Variants in SLC12A2 observed in about 807,000 individuals in gnomAD.
SLC12A2 encodes solute carrier family 12 member 2.
A neutral mutation model predicts 136.3 loss-of-function variants in SLC12A2; 67 were observed. The ratio of observed to expected loss-of-function variants is 0.49; its 90% confidence interval spans 0.40 to 0.60. The LOEUF is 0.60. SLC12A2 is among the 20% of genes least tolerant of loss of function. The probability of loss-of-function intolerance (pLI) is 0.00; values close to 1 mark genes in which losing one functional copy is unlikely to be tolerated. For missense variants in SLC12A2, 1,322 were observed against 1,534.7 expected (o/e 0.86, Z 2.32); for synonymous variants, 619 against 562.9 (o/e 1.10, Z -1.41).
At chr5:128,093,321 T>C (rs893878473) in intron 1 of SLC12A2, among the ~76,000 whole-genome samples, 2 of 152,070 alleles carry the variant, frequency 1.3e-5, no homozygotes, top group South Asian at 2.1e-4. Context: ...TTATTTGGAC[T>C]TTTCTCCTTC....
intron 17 of SLC12A2, among the ~76,000 whole-genome samples, chr5:128,163,488 C>T (rs1275112235): frequency 6.6e-6 from 1 of 151,996 alleles, no homozygotes; most frequent in African/African-American, 2.4e-5. Flanking sequence ...AAGATCATGC[C>T]ACCGCACTCC....
At chr5:128,119,306 T>A (rs978556891) in intron 4 of SLC12A2, among the ~76,000 whole-genome samples, 1 of 152,188 alleles carries the variant, frequency 6.6e-6, no homozygotes, top group Non-Finnish European at 1.5e-5. Flanking sequence ...GGAAATAAAT[T>A]TTCTTAAAAC....
chr5:128,166,607 A>G (rs1005914915), intron 17 of SLC12A2, among the ~76,000 whole-genome samples: 11 of 152,072 alleles, frequency 7.2e-5, no homozygotes, highest in Non-Finnish European at 1.3e-4. Flanking sequence ...CAATATCTAG[A>G]ATAGGCAGAT....
intron 23 of SLC12A2, 40 bp downstream of exon 23, chr5:128,181,034 ACTTC>A: frequency 7.3e-6 from 8 of 1,093,078 alleles, no homozygotes; most frequent in Non-Finnish European, 1.1e-5. Flanking sequence ...ATCTATTAGC[ACTTC>A]ATTGCTACAG....
chr5:128,158,261 G>A, intron 16 of SLC12A2, 97 bp downstream of exon 16: 1 of 839,576 alleles, frequency 1.2e-6, no homozygotes, highest in Non-Finnish European at 1.9e-6. Context: ...GCTAAATTGT[G>A]TGTCACAGGG....
intron 25 of SLC12A2, 73 bp from the exon 26 acceptor site, chr5:128,184,716 C>A: frequency 6.2e-7 from 1 of 1,601,494 alleles, no homozygotes; most frequent in South Asian, 1.1e-5. Flanking sequence ...TTTTTGTCTC[C>A]TTATAGTTTT....
intron 5 of SLC12A2, among the ~76,000 whole-genome samples, chr5:128,133,841 T>G (rs1241382166): frequency 6.6e-6 from 1 of 152,098 alleles, no homozygotes; most frequent in Non-Finnish European, 1.5e-5. Context: ...ATATTTCTGC[T>G]ATATAACTTA....
At chr5:128,120,269 A>C (rs1294895529) in intron 4 of SLC12A2, among the ~76,000 whole-genome samples, 1 of 148,428 alleles carries the variant, frequency 6.7e-6, no homozygotes, top group Non-Finnish European at 1.5e-5. Flanking sequence ...TGGGACTGTA[A>C]ACTAGTTCAA....
chr5:128,116,117 T>C (rs1221955717), intron 4 of SLC12A2, among the ~76,000 whole-genome samples: 4 of 152,094 alleles, frequency 2.6e-5, no homozygotes, highest in African/African-American at 9.7e-5. Context: ...GGAATGAAAG[T>C]GGGAAGAGAA....
At chr5:128,130,978 T>C (rs1761999617) in intron 4 of SLC12A2, 89 bp from the exon 5 acceptor site, 1 of 1,264,182 alleles carries the variant, frequency 7.9e-7, no homozygotes, top group Non-Finnish European at 1.1e-6. Flanking sequence ...GGCATCTGCT[T>C]TGTGAATTCA....
chr5:128,152,595 G>A (rs936101053), intron 14 of SLC12A2, 111 bp from the exon 15 acceptor site: 1 of 722,920 alleles, frequency 1.4e-6, no homozygotes, highest in Non-Finnish European at 2.6e-6. Flanking sequence ...GTGTATTTCA[G>A]CAATTGACTT....
At chr5:128,095,297 G>T (rs989438791) in intron 1 of SLC12A2, among the ~76,000 whole-genome samples, 6 of 147,648 alleles carry the variant, frequency 4.1e-5, no homozygotes, top group African/African-American at 1.6e-4. Flanking sequence ...TCTGCATTTG[G>T]TCTTCAGTCT....
Position 128,158,070 on chromosome 5 carries a change from T to G in SLC12A2, c.2381T>G (p.Met794Arg), listed in dbSNP as rs750664169. The change falls in exon 16 of 27, where the codon ATG becomes AGG. Residue 794 changes from methionine (M) to arginine (R), a missense_variant. By Grantham distance (91) the Met-to-Arg change is moderately conservative. Coordinates refer to ENST00000262461, the MANE Select transcript of SLC12A2 (RefSeq NM_001046.3). The stretch of plus-strand genomic sequence containing the variant: ...TAAATTAGGCCACAGTGTCTTGTTA[T>G]GACAGGTGCTCCAAACTCACGTCCA... ...VKNFRPQCLVMTGAPNSRPAL... is the reference protein window; with the variant it reads ...VKNFRPQCLVRTGAPNSRPAL... The G allele has an allele frequency of 1.2e-6, 2 of 1,613,082 alleles. No homozygotes were observed. Among genetic ancestry groups the G allele is most frequent in the South Asian group, 1.1e-5 (1 of 90,806 alleles).
At position 128,084,435 on chromosome 5, in the gene SLC12A2, G is replaced by C; in HGVS notation, c.481G>C (p.Gly161Arg). 4 of 1,612,546 alleles carry C rather than the reference G, an allele frequency of 2.5e-6. No individual in the cohort carries two copies. The highest frequency in any genetic ancestry group is 1.7e-4 in the Middle Eastern group (1 of 6,058). ...SAEDSLSDAA[G>R]VGVDGPNVSF... ...TGAAGACAGCCTGTCAGATGCTGCC[G>C]GGGTCGGAGTCGACGGGCCCAACGT... is the stretch of plus-strand genomic sequence containing the variant. The change falls in exon 1 of 27, where the codon GGG (glycine) becomes CGG (arginine). Residue 161 changes from glycine (G) to arginine (R), a missense_variant. Gly to Arg is a moderately radical substitution (Grantham distance 125). This residue lies in a region of SLC12A2 where 358 missense variants were observed against 299.7 expected (regional missense o/e 1.19). Transcript: ENST00000262461. This position sits in a 1 kb window ranked among gnomAD's most constrained non-coding sequence, Gnocchi z 5.6.
intron 12 of SLC12A2, among the ~76,000 whole-genome samples, chr5:128,149,192 C>T (rs1350539187): frequency 6.6e-6 from 1 of 151,680 alleles, no homozygotes; most frequent in East Asian, 1.9e-4. Flanking sequence ...TGGCACTCTG[C>T]CTCTGATCAT....
chr5:128,103,946 C>T (rs148234201), intron 1 of SLC12A2, among the ~76,000 whole-genome samples: 2 of 152,154 alleles, frequency 1.3e-5, no homozygotes, highest in Non-Finnish European at 2.9e-5. Context: ...ACTTCTATAA[C>T]AGTCAGACTA....
chr5:128,084,649 C>A lies in SLC12A2; in HGVS notation c.695C>A (p.Ala232Glu), dbSNP rs1310028351. The A allele has an allele frequency of 6.2e-7, 1 of 1,612,870 alleles. No homozygotes were observed. Among genetic ancestry groups the A allele is most frequent in the Admixed American group, 1.7e-5 (1 of 59,926 alleles). ...ATCGATCACTACCGGCACACAGCCG[C>A]GCAGCTGGGCGAGAAGCTGCTCCGG... ...PRIDHYRHTA[A>E]QLGEKLLRPS... The change falls in exon 1 of 27, where the codon GCG (alanine) becomes GAG (glutamate). Residue 232 changes from alanine to glutamate, a missense_variant. Ala to Glu is a moderately radical substitution (Grantham distance 107). This residue lies in a region of SLC12A2 where 32 missense variants were observed against 63.6 expected (regional missense o/e 0.50). Transcript: ENST00000262461. This position sits in a 1 kb window ranked among gnomAD's most constrained non-coding sequence, Gnocchi z 5.6.
intron 22 of SLC12A2, 152 bp downstream of exon 22, chr5:128,178,841 T>C: frequency 3.9e-6 from 2 of 510,720 alleles, no homozygotes; most frequent in Non-Finnish European, 6.8e-6. Flanking sequence ...AGGCACAGCC[T>C]TTAGTTGTCT....
chr5:128,157,764 T>C (rs567659509), intron 15 of SLC12A2, among the ~76,000 whole-genome samples: 33 of 152,288 alleles, frequency 2.2e-4, no homozygotes, highest in Admixed American at 5.9e-4. Flanking sequence ...TTGTTATATA[T>C]TTTTTTAACT....
Sources: allele counts gnomAD v4.1 joint callset (sites outside exome capture counted in the v4.1 genomes callset), GRCh38; gene constraint gnomAD v4.1.1; regional missense constraint gnomAD v4.1.1; non-coding constraint Gnocchi (gnomAD v3.1); transcripts MANE v1.5; gene names NCBI Gene and HGNC (gene_info 2026-07-23, HGNC 2026-07-21).